Variants in TLCD4 observed in about 807,000 individuals in gnomAD.
TLCD4 encodes TLC domain-containing protein 4.
Under a neutral mutation model 24.2 loss-of-function variants are expected in TLCD4, and 7 were observed. The observed-to-expected ratio is 0.29, with a 90% CI of 0.16 to 0.54. The LOEUF (loss-of-function observed/expected upper bound fraction) is 0.54. Ranked by LOEUF, TLCD4 falls within the 20% of genes least tolerant of loss-of-function variation. The probability of loss-of-function intolerance (pLI) is 0.95; values close to 1 mark genes in which losing one functional copy is unlikely to be tolerated. For synonymous variants in TLCD4, 103 were observed against 106.4 expected, an observed-to-expected ratio of 0.97 and a Z score of 0.20; for missense variants, 259 against 313.9, an observed-to-expected ratio of 0.82 and a Z score of 1.32.
chr1:95,159,471 A>C (rs1235140183), intron 5 of TLCD4, among the ~76,000 whole-genome samples: 2 of 151,702 alleles, frequency 1.3e-5, no homozygotes, highest in Non-Finnish European at 3.0e-5. Flanking sequence ...ATGTTCACTG[A>C]TGGAGTTTCT....
chr1:95,188,827 TCTCAAGG>T (rs1399504338), intron 6 of TLCD4, among the ~76,000 whole-genome samples: 1 of 152,186 alleles, frequency 6.6e-6, no homozygotes, highest in Non-Finnish European at 1.5e-5. Flanking sequence ...ATCAGGTATT[TCTCAAGG>T]AACCCTAGTT....
the TLCD4 span, among the ~76,000 whole-genome samples, chr1:95,102,917 T>C: frequency 2.6e-5 from 4 of 152,022 alleles, no homozygotes; most frequent in African/African-American, 7.3e-5. Flanking sequence ...TATATATATA[T>C]ATATTTGCAG....
chr1:95,142,849 A>C (rs1462712441), intron 1 of TLCD4, among the ~76,000 whole-genome samples: 1 of 151,996 alleles, frequency 6.6e-6, no homozygotes, highest in Non-Finnish European at 1.5e-5. Context: ...GCTCGCGATG[A>C]TGAGGCAGCA....
intron 1 of TLCD4, among the ~76,000 whole-genome samples, chr1:95,132,647 A>G (rs976323985): frequency 1.8e-4 from 28 of 152,238 alleles, no homozygotes; most frequent in African/African-American, 6.3e-4. Flanking sequence ...GCAGTAGGCT[A>G]TATACATTAG....
In TLCD4 at chr1:95,173,892, A is replaced by G; in HGVS notation, c.473+3A>G. 1 of 1,614,060 alleles carries G rather than the reference A, an allele frequency of 6.2e-7. No individual in the cohort carries two copies. The highest frequency in any genetic ancestry group is 1.1e-5 in the South Asian group (1 of 91,068). ...TCCAGCCCGTTTGTGAATCAGCGGT[A>G]TGTTACTGATATCATTGATTATTTT... is the stretch of plus-strand genomic sequence containing the variant. On this transcript the variant is annotated splice_donor_region_variant and intron_variant, in intron 6 of 6. Coordinates refer to ENST00000370203, the MANE Select transcript of TLCD4 (RefSeq NM_152487.3).
At chr1:95,184,660 A>C (rs1045009025) in intron 6 of TLCD4, among the ~76,000 whole-genome samples, 5 of 152,176 alleles carry the variant, frequency 3.3e-5, no homozygotes, top group African/African-American at 1.2e-4. Flanking sequence ...AATAACAGTA[A>C]ATGGTGGGTA....
intron 1 of TLCD4, among the ~76,000 whole-genome samples, chr1:95,128,096 A>G (rs571209444): frequency 1.3e-5 from 2 of 152,288 alleles, no homozygotes; most frequent in Non-Finnish European, 1.5e-5. Flanking sequence ...GTAACACCGA[A>G]AAAAGTTTTC....
the TLCD4 span, among the ~76,000 whole-genome samples, chr1:95,102,574 G>A: frequency 3.3e-5 from 5 of 152,176 alleles, no homozygotes; most frequent in African/African-American, 1.2e-4. Context: ...ACATAGTAGA[G>A]TCTTGGGAAT....
intron 5 of TLCD4, among the ~76,000 whole-genome samples, chr1:95,155,022 G>C (rs946852046): frequency 1.3e-5 from 2 of 151,812 alleles, no homozygotes; most frequent in African/African-American, 4.8e-5. Flanking sequence ...GTGTAGTGCA[G>C]TGCAGTGCAG....
chr1:95,160,023 T>C (rs1317763471), intron 5 of TLCD4, among the ~76,000 whole-genome samples: 1 of 152,322 alleles, frequency 6.6e-6, no homozygotes, highest in East Asian at 1.9e-4. Flanking sequence ...TTTAAAGTAG[T>C]TTTTTCCAAT....
At chr1:95,096,619 A>G in the TLCD4 span, among the ~76,000 whole-genome samples, 2 of 152,204 alleles carry the variant, frequency 1.3e-5, no homozygotes, top group Admixed American at 1.3e-4. Flanking sequence ...AGCCCCTATT[A>G]CACAACTCTT....
chr1:95,170,022 A>G (rs1678150584), intron 5 of TLCD4, among the ~76,000 whole-genome samples: 1 of 152,248 alleles, frequency 6.6e-6, no homozygotes, highest in Non-Finnish European at 1.5e-5. Flanking sequence ...ACAGTAAGAA[A>G]TTTAGCAAGA....
chr1:95,171,290 G>T (rs1371968356), intron 5 of TLCD4, among the ~76,000 whole-genome samples: 3 of 152,018 alleles, frequency 2.0e-5, no homozygotes, highest in Non-Finnish European at 2.9e-5. Flanking sequence ...AGAGTGGCCT[G>T]TTCAGAGCTA....
At chr1:95,188,095 C>T (rs1678888673) in intron 6 of TLCD4, among the ~76,000 whole-genome samples, 1 of 152,070 alleles carries the variant, frequency 6.6e-6, no homozygotes, top group South Asian at 2.1e-4. Context: ...AGGGCTTCAA[C>T]ATAAGAATTT....
chr1:95,134,968 C>G (rs977711529), intron 1 of TLCD4, among the ~76,000 whole-genome samples: 1 of 152,146 alleles, frequency 6.6e-6, no homozygotes, highest in Non-Finnish European at 1.5e-5. Context: ...AACTGAGGTT[C>G]TGTTAAGGTA....
the TLCD4 span, among the ~76,000 whole-genome samples, chr1:95,108,406 C>T: frequency 6.6e-6 from 1 of 151,970 alleles, no homozygotes; most frequent in Admixed American, 6.6e-5. Context: ...TTCTGTTTTG[C>T]TCTGTCATCC....
intron 5 of TLCD4, among the ~76,000 whole-genome samples, chr1:95,161,928 G>A (rs1028995044): frequency 3.3e-5 from 5 of 152,134 alleles, no homozygotes; most frequent in African/African-American, 9.7e-5. Flanking sequence ...CCAACTGTGT[G>A]GTCAATTTTG....
In TLCD4 at chr1:95,160,621, C is replaced by T. The variant is rs1009163217; in HGVS notation, c.399+9202C>T. On this transcript the variant is annotated intron_variant, in intron 5 of 6. Transcript: ENST00000370203. ...GGAATGCTTCCAGTTTTTGCCCATTCGGTATGACATTGGCTGTGGGTTTGT... is the reference window on the plus strand; with the variant it reads ...GGAATGCTTCCAGTTTTTGCCCATTTGGTATGACATTGGCTGTGGGTTTGT... 1.4e-4 allele frequency among the ~76,000 whole-genome samples: 21 copies of T among 152,250 alleles called. 1 individual carries two copies. The East Asian group carries it at 2.7e-3, about 20-fold the overall frequency.
In TLCD4 at chr1:95,191,985, G is replaced by A; in HGVS notation, c.*117G>A. 1 of 1,454,044 alleles carries A rather than the reference G, an allele frequency of 6.9e-7. No individual in the cohort carries two copies. The highest frequency in any genetic ancestry group is 9.0e-7 in the Non-Finnish European group (1 of 1,111,018). The allele number at this position is 1,454,044 out of a possible 1,614,324, so 90.1% of individuals were successfully genotyped here. ...TATAATTGTTATTCAGGATTTCAGT[G>A]TCATTTTTTTTAAACCTTAGAAAAG... On this transcript the variant is annotated 3_prime_UTR_variant, in exon 7 of 7. Transcript: ENST00000370203.
Sources: allele counts gnomAD v4.1 joint callset (sites outside exome capture counted in the v4.1 genomes callset), GRCh38; gene constraint gnomAD v4.1.1; transcripts MANE v1.5; gene names NCBI Gene and HGNC (gene_info 2026-07-23, HGNC 2026-07-21).